Variants in KCNAB1 observed in about 807,000 individuals in gnomAD.
KCNAB1 encodes the protein potassium voltage-gated channel subfamily A regulatory beta subunit 1, also known as voltage-gated potassium channel subunit beta-1.
In KCNAB1, 35 loss-of-function variants were observed where a neutral mutation model predicts 64.6. The ratio of observed to expected loss-of-function variants is 0.54; its 90% CI spans 0.41 to 0.72. The LOEUF is 0.72. Among genes scored for constraint, KCNAB1 ranks in the 30% least tolerant of loss-of-function variants. KCNAB1 has a pLI of 0.00. For synonymous variants in KCNAB1, 177 were observed against 183.8 expected (o/e 0.96, Z 0.30); for missense variants, 401 against 512.9 (o/e 0.78, Z 2.11).
chr3:156,364,170 G>C, intron 1 of KCNAB1, among the ~76,000 whole-genome samples: 1 of 150,384 alleles, frequency 6.6e-6, no homozygotes, highest in East Asian at 1.9e-4. Flanking sequence ...GAGGTAATCT[G>C]TCCCATTCCT....
At chr3:156,120,515 G>A (rs1713271670), upstream of KCNAB1, 9 of 1,353,788 alleles carry the variant, frequency 6.6e-6, no homozygotes, top group South Asian at 9.2e-5. Context: ...AAGAGAGGTG[G>A]AGTGGGCAGG....
At chr3:156,429,029 T>C (rs1716028815) in intron 2 of KCNAB1, among the ~76,000 whole-genome samples, 2 of 152,224 alleles carry the variant, frequency 1.3e-5, no homozygotes, top group Admixed American at 1.3e-4. Flanking sequence ...TATATGAGTC[T>C]CTCAAAAGGT....
intron 1 of KCNAB1, among the ~76,000 whole-genome samples, chr3:156,415,554 T>A (rs1714993783): frequency 6.6e-6 from 1 of 152,034 alleles, no homozygotes; most frequent in South Asian, 2.1e-4. Context: ...TGAAGGGAAT[T>A]TCTCCACCCC....
At position 156,253,942 on chromosome 3, in the gene KCNAB1, C is replaced by G. The variant is rs147542673; in HGVS notation, c.275+133056C>G. Reference sequence around the variant, plus strand: ...TGGCTTTAAGTGGGGGTATATGATGCATTTCTGGTTGATGAGATGTGAGGG... The same window carrying G: ...TGGCTTTAAGTGGGGGTATATGATGGATTTCTGGTTGATGAGATGTGAGGG... On this transcript the variant is annotated intron_variant, in intron 1 of 13. Transcript: ENST00000490337. 2.1e-3 allele frequency among the ~76,000 whole-genome samples: 327 copies of G among 152,260 alleles called. 3 individuals are homozygous for G. The highest frequency in any genetic ancestry group is 7.5e-3 in the African/African-American group (310 of 41,550).
In KCNAB1 at chr3:156,161,297, G is replaced by A. The variant is rs545794372; in HGVS notation, c.275+40411G>A. On this transcript the variant is annotated intron_variant, in intron 1 of 13. Coordinates refer to ENST00000490337, the MANE Select transcript of KCNAB1 (RefSeq NM_172160.3). The stretch of plus-strand genomic sequence containing the variant: ...ATCAACTGCATCACCTCACTGCCTC[G>A]TCATTCACCCATTCACCATGTACTT... 1.2e-4 allele frequency among the ~76,000 whole-genome samples: 18 copies of A among 152,054 alleles called. No individual in the cohort carries two copies. In the South Asian group the frequency reaches 2.1e-3, roughly 18 times the overall value.
intron 1 of KCNAB1, among the ~76,000 whole-genome samples, chr3:156,181,596 G>C (rs182328071): frequency 3.3e-5 from 5 of 152,290 alleles, no homozygotes; most frequent in African/African-American, 4.8e-5. Flanking sequence ...GAGGAGATGA[G>C]GATGTGAATG....
At chr3:156,459,941 T>C (rs1369078594) in intron 5 of KCNAB1, 70 bp downstream of exon 5, 23 of 1,104,564 alleles carry the variant, frequency 2.1e-5, no homozygotes, top group Non-Finnish European at 3.1e-5. Flanking sequence ...AAAAATAAAA[T>C]TATATGACAC....
Position 156,499,544 on chromosome 3 carries a change from A to G in KCNAB1, c.659-14820A>G, listed in dbSNP as rs114169173. ...ATTGTTAACCCTCTATGTGCATCAAATCACATAATCAAAAGAGTTTGCATG... is the reference window on the plus strand; with the variant it reads ...ATTGTTAACCCTCTATGTGCATCAAGTCACATAATCAAAAGAGTTTGCATG... On this transcript the variant is annotated intron_variant, in intron 8 of 13. Coordinates refer to ENST00000490337, the MANE Select transcript of KCNAB1 (RefSeq NM_172160.3). Among the ~76,000 whole-genome samples the G allele has an allele frequency of 2.9e-3, 444 of 152,254 alleles. 1 individual carries two copies. Among genetic ancestry groups the G allele is most frequent in the African/African-American group, 0.01 (419 of 41,534 alleles).
intron 1 of KCNAB1, among the ~76,000 whole-genome samples, chr3:156,408,711 C>G (rs1391849987): frequency 6.6e-6 from 1 of 151,780 alleles, no homozygotes; most frequent in African/African-American, 2.4e-5. Context: ...ACCTGGGAGA[C>G]AGAGATTGCA....
intron 1 of KCNAB1, among the ~76,000 whole-genome samples, chr3:156,168,518 TCA>T (rs1711752603): frequency 2.0e-5 from 3 of 152,304 alleles, no homozygotes; most frequent in East Asian, 1.9e-4. Context: ...TAAATATTTT[TCA>T]CAGAGTCTTG....
At chr3:156,183,727 C>T (rs768318616) in intron 1 of KCNAB1, among the ~76,000 whole-genome samples, 2 of 152,226 alleles carry the variant, frequency 1.3e-5, no homozygotes, top group Non-Finnish European at 2.9e-5. Flanking sequence ...TCTGTGAACT[C>T]AGGCAATCAC....
rs183961610 is a variant in KCNAB1 at position 156,416,058 on chromosome 3, C to T, written c.276-5558C>T. ...CTCCTTTTTCACCCTCATATTCAAT[C>T]AAAATACCAAGTCCTGTAGATTTTA... On this transcript the variant is annotated intron_variant, in intron 1 of 13. Transcript: ENST00000490337. Among the ~76,000 whole-genome samples the T allele has an allele frequency of 4.7e-3, 721 of 152,260 alleles. 10 individuals are homozygous for T. The highest frequency in any genetic ancestry group is 0.016 in the African/African-American group (646 of 41,538).
chr3:156,119,961 G>T (rs1392668024), upstream of KCNAB1, among the ~76,000 whole-genome samples: 2 of 152,174 alleles, frequency 1.3e-5, no homozygotes, highest in African/African-American at 4.8e-5. Context: ...TGTCAGAAGT[G>T]CTGGGAGGGG....
chr3:156,222,956 T>C (rs561098510), intron 1 of KCNAB1, among the ~76,000 whole-genome samples: 1 of 152,346 alleles, frequency 6.6e-6, no homozygotes, highest in African/African-American at 2.4e-5. Context: ...GTTCATAGCA[T>C]TAAATGCCTA....
intron 1 of KCNAB1, among the ~76,000 whole-genome samples, chr3:156,296,977 G>A (rs543513912): frequency 6.6e-6 from 1 of 152,230 alleles, no homozygotes; most frequent in South Asian, 2.1e-4. Flanking sequence ...ACAATCCATA[G>A]GATTTATTCC....
intron 1 of KCNAB1, among the ~76,000 whole-genome samples, chr3:156,216,134 T>G (rs1715304979): frequency 6.6e-6 from 1 of 152,198 alleles, no homozygotes; most frequent in African/African-American, 2.4e-5. Flanking sequence ...CTTTTATTAT[T>G]TTAACTTAGG....
At chr3:156,271,229 T>G (rs1719019194) in intron 1 of KCNAB1, among the ~76,000 whole-genome samples, 2 of 152,218 alleles carry the variant, frequency 1.3e-5, no homozygotes, top group Non-Finnish European at 2.9e-5. Context: ...GATATCTCTC[T>G]CTAGGATTGG....
intron 1 of KCNAB1, among the ~76,000 whole-genome samples, chr3:156,372,368 G>C (rs1413944719): frequency 1.3e-5 from 2 of 152,174 alleles, no homozygotes; most frequent in Admixed American, 1.3e-4. Flanking sequence ...TCACCTCATA[G>C]GGTTGTTTTC....
intron 12 of KCNAB1, among the ~76,000 whole-genome samples, chr3:156,527,102 A>T (rs1337238049): frequency 6.6e-6 from 1 of 152,228 alleles, no homozygotes; most frequent in African/African-American, 2.4e-5. Context: ...CATGTACCGT[A>T]GTATATGTAT....
Sources: allele counts gnomAD v4.1 joint callset (sites outside exome capture counted in the v4.1 genomes callset), GRCh38; gene constraint gnomAD v4.1.1; transcripts MANE v1.5; gene names NCBI Gene and HGNC (gene_info 2026-07-23, HGNC 2026-07-21).